The following PPM1L variants were observed in gnomAD, a reference collection of about 807,000 sequenced individuals.
PPM1L encodes the protein protein phosphatase, Mg2+/Mn2+ dependent 1L.
In PPM1L, 13 loss-of-function variants were observed where a neutral mutation model predicts 31.4. The ratio of observed to expected loss-of-function variants is 0.41; its 90% CI spans 0.27 to 0.66. The LOEUF is 0.66. Ranked by LOEUF, PPM1L falls within the 30% of genes least tolerant of loss-of-function variation. The pLI is 0.29. For synonymous variants in PPM1L, 184 were observed against 175.4 expected (o/e 1.05, Z -0.39); for missense variants, 326 against 453.7 (o/e 0.72, Z 2.56).
At chr3:160,809,634 T>C (rs1234310242) in intron 1 of PPM1L, among the ~76,000 whole-genome samples, 1 of 152,170 alleles carries the variant, frequency 6.6e-6, no homozygotes, top group Non-Finnish European at 1.5e-5. Context: ...TGAAGGTTAT[T>C]GGTACCAAGT....
chr3:160,919,929 G>T (rs948973215), intron 1 of PPM1L, among the ~76,000 whole-genome samples: 1 of 152,074 alleles, frequency 6.6e-6, no homozygotes, highest in South Asian at 2.1e-4. Flanking sequence ...GTCGCCCATT[G>T]TTGGGATTCC....
chr3:160,935,249 A>G (rs184947520), intron 1 of PPM1L, among the ~76,000 whole-genome samples: 1 of 152,274 alleles, frequency 6.6e-6, no homozygotes, highest in African/African-American at 2.4e-5. Context: ...TTAACTTTAT[A>G]TTGGCAATTG....
At chr3:160,995,337 T>G (rs951442454) in intron 2 of PPM1L, among the ~76,000 whole-genome samples, 2 of 152,100 alleles carry the variant, frequency 1.3e-5, no homozygotes, top group African/African-American at 4.8e-5. Flanking sequence ...TCTTTTTCTT[T>G]TGAGACAGAG....
At chr3:160,836,814 T>A (rs1394403502) in intron 1 of PPM1L, among the ~76,000 whole-genome samples, 1 of 152,206 alleles carries the variant, frequency 6.6e-6, no homozygotes, top group Non-Finnish European at 1.5e-5. Context: ...GACCTGTTGG[T>A]GAATTTTTAC....
In PPM1L at chr3:160,973,847, T is replaced by C. The variant is rs1409618431; in HGVS notation, c.574+11937T>C. Reference sequence around the variant, plus strand: ...TTTTTTTGAGAATGATTCTATCTAGTTTTTCTTTTTTTTTCTAATTTATTT... The same window carrying C: ...TTTTTTTGAGAATGATTCTATCTAGCTTTTCTTTTTTTTTCTAATTTATTT... On this transcript the variant is annotated intron_variant, in intron 2 of 3. Transcript: ENST00000498165. Among the ~76,000 whole-genome samples the C allele has an allele frequency of 2.7e-5, 4 of 149,354 alleles. No homozygotes were observed. In the East Asian group the frequency reaches 5.8e-4, roughly 22 times the overall value.
At chr3:161,061,441 T>C (rs1719565187) in intron 2 of PPM1L, among the ~76,000 whole-genome samples, 1 of 152,172 alleles carries the variant, frequency 6.6e-6, no homozygotes, top group Non-Finnish European at 1.5e-5. Flanking sequence ...TGGGATTTGT[T>C]TGTGACAAAG....
At chr3:161,033,420 A>G (rs1306848157) in intron 2 of PPM1L, among the ~76,000 whole-genome samples, 1 of 152,206 alleles carries the variant, frequency 6.6e-6, no homozygotes, top group Non-Finnish European at 1.5e-5. Context: ...TGGAGGCATC[A>G]TGCTACCTGA....
chr3:160,793,709 C>T lies in PPM1L; in HGVS notation c.399+37002C>T, dbSNP rs567171338. ...TGAAAAGGAATTTGAATGAAAGAGA[C>T]TTTATTTCAATAGACAGTTTGCAAA... On this transcript the variant is annotated intron_variant, in intron 1 of 3. Coordinates refer to ENST00000498165, the MANE Select transcript of PPM1L (RefSeq NM_139245.4). Among the ~76,000 whole-genome samples, 4 of 152,232 alleles carry T rather than the reference C, an allele frequency of 2.6e-5. No individual in the cohort carries two copies. In the South Asian group the frequency reaches 8.3e-4, roughly 32 times the overall value.
At chr3:160,779,580 T>C (rs1015701738) in intron 1 of PPM1L, among the ~76,000 whole-genome samples, 1 of 152,090 alleles carries the variant, frequency 6.6e-6, no homozygotes, top group Non-Finnish European at 1.5e-5. Context: ...TGGAGTGCAG[T>C]GGCACCATCT....
intron 2 of PPM1L, among the ~76,000 whole-genome samples, chr3:160,995,926 G>T (rs1393790093): frequency 6.6e-6 from 1 of 152,006 alleles, no homozygotes; most frequent in Non-Finnish European, 1.5e-5. Context: ...GAGAAAAGAG[G>T]GTAAGATGTG....
intron 1 of PPM1L, among the ~76,000 whole-genome samples, chr3:160,839,361 C>T (rs929201444): frequency 6.6e-6 from 1 of 152,084 alleles, no homozygotes; most frequent in African/African-American, 2.4e-5. Flanking sequence ...CAGCAATTTC[C>T]CATCTCTAGG....
At chr3:160,983,797 T>A (rs1343464474) in intron 2 of PPM1L, among the ~76,000 whole-genome samples, 3 of 152,066 alleles carry the variant, frequency 2.0e-5, no homozygotes, top group African/African-American at 7.2e-5. Context: ...AAGAGAGAAA[T>A]TTTAAAGCTG....
intron 1 of PPM1L, among the ~76,000 whole-genome samples, chr3:160,860,313 A>T (rs901436892): frequency 2.6e-5 from 4 of 152,112 alleles, no homozygotes; most frequent in Non-Finnish European, 4.4e-5. Context: ...CACCTTGTAG[A>T]TTCTAATATA....
chr3:160,835,033 A>ACTTCTTCTT (rs1472836807), intron 1 of PPM1L, among the ~76,000 whole-genome samples: 96 of 86,306 alleles, frequency 1.1e-3, no homozygotes, highest in African/African-American at 6.4e-3. Context: ...TACTATTACT[A>ACTTCTTCTT]CTACTACTTC....
intron 2 of PPM1L, among the ~76,000 whole-genome samples, chr3:161,039,839 C>T (rs1718858192): frequency 6.6e-6 from 1 of 152,138 alleles, no homozygotes; most frequent in South Asian, 2.1e-4. Context: ...TAAATGATAA[C>T]AAATAACTTC....
At chr3:160,961,608 G>C in intron 1 of PPM1L, 128 bp from the exon 2 acceptor site, 1 of 637,972 alleles carries the variant, frequency 1.6e-6, no homozygotes, top group Non-Finnish European at 2.4e-6. Flanking sequence ...ACGATGACAA[G>C]GACATGCTTG....
rs529195148 is a variant in PPM1L, at chr3:160,885,972, G to A, written c.400-75764G>A. Among the ~76,000 whole-genome samples the A allele has an allele frequency of 8.5e-4, 130 of 152,306 alleles. 1 individual carries two copies. Among genetic ancestry groups the A allele is most frequent in the African/African-American group, 2.9e-3 (121 of 41,568 alleles). Reference sequence around the variant, plus strand: ...TAACCTCCCTGGGTGGGGGAAGGGCGTCATTCATCTCTATAGCTCCAGGCC... The same window carrying A: ...TAACCTCCCTGGGTGGGGGAAGGGCATCATTCATCTCTATAGCTCCAGGCC... On this transcript the variant is annotated intron_variant, in intron 1 of 3. Coordinates refer to ENST00000498165, the MANE Select transcript of PPM1L (RefSeq NM_139245.4).
intron 2 of PPM1L, among the ~76,000 whole-genome samples, chr3:161,007,474 C>A (rs1308494732): frequency 6.6e-6 from 1 of 151,974 alleles, no homozygotes; most frequent in Non-Finnish European, 1.5e-5. Context: ...GGAGAGTGAA[C>A]GGACGGGGAG....
chr3:160,992,099 G>A (rs1003707280), intron 2 of PPM1L, among the ~76,000 whole-genome samples: 6 of 152,092 alleles, frequency 3.9e-5, no homozygotes, highest in East Asian at 1.9e-4. Context: ...GCCAGAATTC[G>A]AACCCAGGAA....
Sources: gnomAD v4.1 joint callset for allele counts (sites outside exome capture counted in the v4.1 genomes callset) on GRCh38, gnomAD v4.1.1 for gene constraint, MANE v1.5 for transcripts, NCBI Gene and HGNC (gene_info 2026-07-23, HGNC 2026-07-21) for gene names.